Variants in VPS13C observed in about 807,000 individuals in gnomAD.
The protein encoded by VPS13C is intermembrane lipid transfer protein VPS13C.
In VPS13C, 358 loss-of-function variants were observed where a neutral mutation model predicts 456.8. That is an observed-to-expected ratio of 0.78 (90% CI 0.72 to 0.86). The LOEUF is 0.86. Among genes scored for constraint, VPS13C ranks in the 40% least tolerant of loss-of-function variants. VPS13C has a pLI of 0.00. For missense variants in VPS13C, 4,818 were observed against 4,385.4 expected, an observed-to-expected ratio of 1.10 and a Z score of -2.79; for synonymous variants, 1,578 against 1,486.7, an observed-to-expected ratio of 1.06 and a Z score of -1.41.
chr15:61,923,197 C>A (rs940062074), intron 53 of VPS13C, among the ~76,000 whole-genome samples: 2 of 134,120 alleles, frequency 1.5e-5, no homozygotes, highest in African/African-American at 2.8e-5. Context: ...CGGTATGCAA[C>A]AAGATCTTCT....
chr15:62,054,352 T>A (rs959411090), intron 1 of VPS13C, among the ~76,000 whole-genome samples: 2 of 152,166 alleles, frequency 1.3e-5, no homozygotes, highest in African/African-American at 4.8e-5. Flanking sequence ...AGCATAAGCA[T>A]AAATTCAAAG....
intron 77 of VPS13C, among the ~76,000 whole-genome samples, chr15:61,873,665 A>C (rs532741512): frequency 4.1e-4 from 62 of 152,208 alleles, no homozygotes; most frequent in African/African-American, 1.4e-3. Flanking sequence ...AAGACAAAAA[A>C]AATCACAAAC....
At chr15:61,972,392 T>A (rs892118142) in intron 27 of VPS13C, among the ~76,000 whole-genome samples, 1 of 152,220 alleles carries the variant, frequency 6.6e-6, no homozygotes, top group Admixed American at 6.5e-5. Flanking sequence ...AAATTAGATA[T>A]GCCACAGATC....
intron 61 of VPS13C, 84 bp from the exon 62 acceptor site, chr15:61,913,499 G>A (rs998716240): frequency 4.2e-5 from 51 of 1,218,766 alleles, no homozygotes; most frequent in Admixed American, 1.4e-4. Flanking sequence ...TGGACTACTA[G>A]AAATTTCTTT....
rs201806298 is a variant in VPS13C at position 62,010,627 on chromosome 15, A to T, written c.884-28T>A. 1.1e-4 allele frequency: 178 copies of T among 1,579,770 alleles called. No homozygotes were observed. The African/African-American group carries it at 2.1e-3, about 19-fold the overall frequency. On this transcript the variant is annotated intron_variant, in intron 12 of 84. Coordinates refer to ENST00000644861, the MANE Select transcript of VPS13C (RefSeq NM_020821.3). ...TACATCACATGGGAAGACATAAGATATGTTCATATGCTTTTACATATAAAC... is the reference window on the plus strand; with the variant it reads ...TACATCACATGGGAAGACATAAGATTTGTTCATATGCTTTTACATATAAAC...
Position 61,969,388 on chromosome 15 carries a change from T to A in VPS13C, c.2822A>T (p.Gln941Leu). 9 of 1,594,722 alleles carry A rather than the reference T, an allele frequency of 5.6e-6. No homozygotes were observed. The highest frequency in any genetic ancestry group is 7.7e-6 in the Non-Finnish European group (9 of 1,169,858). The change falls in exon 28 of 85, where the codon CAG becomes CTG. Residue 941 changes from glutamine (Q) to leucine (L), a missense_variant. Gln to Leu is a moderately radical substitution (Grantham distance 113). Around this residue, in one of 3 missense-constraint regions of VPS13C, gnomAD observed 4,552 missense variants for 4,130.6 expected, o/e 1.10. Transcript: ENST00000644861. ...TCTCATTGTGGCCTCTGTTCCTAAC[T>A]GAGTAACATTAAATACTAGAATTGT... ...EDTILVFNVT[Q>L]LGTEATMRTF... is the part of the protein sequence containing the mutation.
intron 66 of VPS13C, among the ~76,000 whole-genome samples, chr15:61,905,210 T>C (rs1316312213): frequency 2.5e-4 from 38 of 152,200 alleles, no homozygotes; most frequent in Admixed American, 2.5e-3. Context: ...ATTTTATGTA[T>C]GTATCAAAAT....
At chr15:61,969,894 G>A (rs556822463) in intron 27 of VPS13C, among the ~76,000 whole-genome samples, 4 of 151,960 alleles carry the variant, frequency 2.6e-5, no homozygotes, top group East Asian at 3.9e-4. Context: ...AAAATAAAAC[G>A]TGGTAATTTT....
intron 82 of VPS13C, among the ~76,000 whole-genome samples, chr15:61,860,781 C>A (rs1423057666): frequency 2.0e-5 from 3 of 151,892 alleles, no homozygotes; most frequent in Admixed American, 6.6e-5. Flanking sequence ...TGGGTGCTGA[C>A]ATTGCTGGTA....
At chr15:61,940,495 C>T (rs2044382610) in intron 47 of VPS13C, 152 bp downstream of exon 47, 1 of 589,334 alleles carries the variant, frequency 1.7e-6, no homozygotes, top group Non-Finnish European at 2.6e-6. Context: ...CAAAAGTACA[C>T]ATACAACAGA....
chr15:62,005,844 G>A lies in VPS13C; in HGVS notation c.1290+1464C>T, dbSNP rs189210225. Reference sequence around the variant, plus strand: ...CAGCCTCCCGAGTAACTGGGATTACGGGTGCCCACCACCACGCCCAGCTAA... The same window carrying A: ...CAGCCTCCCGAGTAACTGGGATTACAGGTGCCCACCACCACGCCCAGCTAA... On this transcript the variant is annotated intron_variant, in intron 15 of 84. Coordinates refer to ENST00000644861, the MANE Select transcript of VPS13C (RefSeq NM_020821.3). Among the ~76,000 whole-genome samples the A allele has an allele frequency of 9.3e-5, 14 of 150,856 alleles. No individual in the cohort carries two copies. In the East Asian group the frequency reaches 9.8e-4, roughly 11 times the overall value.
intron 12 of VPS13C, among the ~76,000 whole-genome samples, chr15:62,011,649 T>C (rs2047041339): frequency 6.6e-6 from 1 of 151,810 alleles, no homozygotes; most frequent in African/African-American, 2.4e-5. Context: ...AGAGATCCAG[T>C]TGTAAAATAA....
At chr15:61,998,708 T>C (rs916497503) in intron 16 of VPS13C, among the ~76,000 whole-genome samples, 1 of 152,196 alleles carries the variant, frequency 6.6e-6, no homozygotes, top group Non-Finnish European at 1.5e-5. Context: ...AGACACTCAG[T>C]GAGTACTTGC....
At position 61,856,369 on chromosome 15, in the gene VPS13C, T is replaced by G; in HGVS notation, c.10993A>C (p.Met3665Leu). The change falls in exon 83 of 85, where the codon ATG becomes CTG. Residue 3665 changes from methionine (M) to leucine (L), a missense_variant. Physicochemically the swap from Met to Leu is conservative, Grantham distance 15. Coordinates refer to ENST00000644861, the MANE Select transcript of VPS13C (RefSeq NM_020821.3). ...AATGGACATTGCCAGTCTACACACA[T>G]AAGGCCCAGGATTTCAACTTCCTTT... ...CIKEVEILGL[M>L]CVDWQCPFED... 6.2e-7 allele frequency: 1 copy of G among 1,613,324 alleles called. No homozygotes were observed. The highest frequency in any genetic ancestry group is 1.1e-5 in the South Asian group (1 of 91,018).
chr15:61,952,723 C>A (rs1207085146), intron 38 of VPS13C, among the ~76,000 whole-genome samples: 2 of 151,884 alleles, frequency 1.3e-5, no homozygotes, highest in African/African-American at 4.8e-5. Context: ...TGTTTATTGA[C>A]TGATTGATTG....
chr15:61,864,615 A>G (rs993909735), intron 81 of VPS13C: 14 of 984,328 alleles, frequency 1.4e-5, no homozygotes, highest in Non-Finnish European at 1.7e-5. Context: ...ATGCTTAAAT[A>G]TACATTTTTT....
intron 82 of VPS13C, among the ~76,000 whole-genome samples, chr15:61,859,702 T>A (rs1894118424): frequency 6.6e-6 from 1 of 152,194 alleles, no homozygotes. Context: ...CCTCAGAGAC[T>A]CTGTCCATCG....
chr15:61,889,180 T>C (rs1008552377), intron 67 of VPS13C, among the ~76,000 whole-genome samples: 3 of 152,160 alleles, frequency 2.0e-5, no homozygotes, highest in Non-Finnish European at 2.9e-5. Context: ...GGACAGCATA[T>C]ACAATATTAA....
chr15:62,053,620 G>A, intron 1 of VPS13C, among the ~76,000 whole-genome samples: 1 of 152,252 alleles, frequency 6.6e-6, no homozygotes, highest in East Asian at 1.9e-4. Context: ...AGACAGAAGA[G>A]ATGACCTTGT....
Sources: gnomAD v4.1 joint callset for allele counts (sites outside exome capture counted in the v4.1 genomes callset) on GRCh38, gnomAD v4.1.1 for gene constraint, gnomAD v4.1.1 regional missense constraint, MANE v1.5 for transcripts, NCBI Gene and HGNC (gene_info 2026-07-23, HGNC 2026-07-21) for gene names.